The following DGKI variants were observed in gnomAD, a reference collection of about 807,000 sequenced individuals.
DGKI encodes DAG kinase iota.
Under a neutral mutation model 147.5 loss-of-function variants are expected in DGKI, and 55 were observed. The observed-to-expected ratio is 0.37, with a 90% CI of 0.30 to 0.47. The LOEUF (loss-of-function observed/expected upper bound fraction) is 0.47, where lower values mean the gene tolerates loss of function less well. Among genes scored for constraint, DGKI ranks in the 20% least tolerant of loss-of-function variants. The pLI, the probability that DGKI is intolerant of heterozygous loss-of-function variation, is 1.00. For synonymous variants in DGKI, 469 were observed against 477.1 expected (o/e 0.98, Z 0.22); for missense variants, 1,007 against 1,323.8 (o/e 0.76, Z 3.71).
chr7:137,712,463 G>T (rs1172237655), intron 1 of DGKI, among the ~76,000 whole-genome samples: 3 of 152,136 alleles, frequency 2.0e-5, no homozygotes, highest in African/African-American at 7.2e-5. Context: ...ATGATCTCAA[G>T]AATGTGCAAT....
At chr7:137,701,919 A>G (rs940973302) in intron 1 of DGKI, among the ~76,000 whole-genome samples, 1 of 152,222 alleles carries the variant, frequency 6.6e-6, no homozygotes, top group Non-Finnish European at 1.5e-5. Context: ...TAGACGTATT[A>G]TAAAGCTATA....
chr7:137,569,962 A>G (rs1238502022), intron 19 of DGKI, among the ~76,000 whole-genome samples: 1 of 152,008 alleles, frequency 6.6e-6, no homozygotes, highest in African/African-American at 2.4e-5. Context: ...TGAGTTAACA[A>G]GGGCCATCAC....
chr7:137,438,585 C>T (rs1023620366), intron 28 of DGKI, among the ~76,000 whole-genome samples: 9 of 151,914 alleles, frequency 5.9e-5, no homozygotes, highest in Non-Finnish European at 1.0e-4. Flanking sequence ...CAGGTTTAAG[C>T]GCATGGATAC....
At chr7:137,471,403 T>C (rs936433377) in intron 23 of DGKI, among the ~76,000 whole-genome samples, 1 of 152,050 alleles carries the variant, frequency 6.6e-6, no homozygotes, top group Non-Finnish European at 1.5e-5. Context: ...GAAGAAGTAA[T>C]AAGGACCCAA....
chr7:137,433,844 G>A (rs575944012), intron 28 of DGKI, among the ~76,000 whole-genome samples: 2 of 152,306 alleles, frequency 1.3e-5, no homozygotes, highest in African/African-American at 4.8e-5. Context: ...GGGGCCGGGC[G>A]TGGTGGCTCA....
chr7:137,665,481 G>A (rs1387484517), intron 3 of DGKI, among the ~76,000 whole-genome samples: 2 of 152,168 alleles, frequency 1.3e-5, no homozygotes, highest in African/African-American at 2.4e-5. Context: ...CTCTATTATG[G>A]TTGGAATTGC....
rs772373396 is a variant in DGKI, at chr7:137,597,944, C to T, written c.1251-37G>A. 1.3e-5 allele frequency: 20 copies of T among 1,585,904 alleles called. No individual in the cohort carries two copies. In the African/African-American group the frequency reaches 2.0e-4, roughly 16 times the overall value. On this transcript the variant is annotated intron_variant, in intron 11 of 32. Transcript: ENST00000614521. ...ATAGAAGAAAAAGTAAACAAAAGAA[C>T]ATTTCACTGGCTAGAGCAGAGAGAA...
At chr7:137,778,093 C>T (rs1330810890) in intron 1 of DGKI, among the ~76,000 whole-genome samples, 1 of 152,138 alleles carries the variant, frequency 6.6e-6, no homozygotes. Context: ...TTTTGTGATA[C>T]TAAAACATAA....
chr7:137,654,950 A>T (rs2129011863), intron 4 of DGKI, among the ~76,000 whole-genome samples, 162 bp from the exon 5 acceptor site: 1 of 152,166 alleles, frequency 6.6e-6, no homozygotes, highest in South Asian at 2.1e-4. Flanking sequence ...TCATCACATT[A>T]GATAATCAAC....
chr7:137,410,892 T>C (rs958697316), intron 29 of DGKI, among the ~76,000 whole-genome samples: 1 of 152,218 alleles, frequency 6.6e-6, no homozygotes, highest in Non-Finnish European at 1.5e-5. Context: ...GAGAGCACTC[T>C]TCTCTTCTGG....
chr7:137,704,618 A>G (rs1414115923), intron 1 of DGKI, among the ~76,000 whole-genome samples: 2 of 152,214 alleles, frequency 1.3e-5, no homozygotes, highest in Non-Finnish European at 2.9e-5. Context: ...AATGACAGAA[A>G]ATTCCCAATC....
intron 28 of DGKI, among the ~76,000 whole-genome samples, chr7:137,432,363 A>G (rs1813112430): frequency 6.6e-6 from 1 of 152,166 alleles, no homozygotes; most frequent in African/African-American, 2.4e-5. Context: ...AATCATCCCA[A>G]AAGCCCATGC....
At chr7:137,800,192 T>C (rs1797154925) in intron 1 of DGKI, among the ~76,000 whole-genome samples, 1 of 152,124 alleles carries the variant, frequency 6.6e-6, no homozygotes, top group Non-Finnish European at 1.5e-5. Flanking sequence ...ACCTACTACA[T>C]CCTTAGAACA....
intron 1 of DGKI, among the ~76,000 whole-genome samples, chr7:137,691,809 T>TTTTTTTGTTTTTTTTTG (rs1823620346): frequency 7.1e-6 from 1 of 141,012 alleles, no homozygotes; most frequent in African/African-American, 2.8e-5. Context: ...TTTTTTTTTT[T>TTTTTTTGTTTTTTTTTG]TTTTTTTTTT....
intron 1 of DGKI, among the ~76,000 whole-genome samples, chr7:137,810,126 G>T (rs1467966373): frequency 6.6e-6 from 1 of 152,200 alleles, no homozygotes; most frequent in East Asian, 1.9e-4. Flanking sequence ...ATAGGCCAAA[G>T]CTACCTCTCA....
chr7:137,517,252 A>AAGAAAGAAAGAAAGAAAG (rs1554421179), intron 21 of DGKI, among the ~76,000 whole-genome samples: 19 of 129,082 alleles, frequency 1.5e-4, no homozygotes, highest in African/African-American at 6.5e-4. Flanking sequence ...AAAGAAAAGA[A>AAGAAAGAAAGAAAGAAAG]AAAGAAAGAA....
chr7:137,386,144 A>G lies in DGKI; in HGVS notation c.*5076T>C, dbSNP rs1268472626. The G allele has an allele frequency of 6.6e-6, 1 of 152,112 alleles. No individual in the cohort carries two copies. Among genetic ancestry groups the G allele is most frequent in the Admixed American group, 6.6e-5 (1 of 15,260 alleles). The allele number at this position is 152,112 out of a possible 1,614,324, so 9.4% of individuals were successfully genotyped here. A position where few individuals can be genotyped will look rare whatever the true frequency, so the allele number is the denominator to read the frequency against. On this transcript the variant is annotated 3_prime_UTR_variant, in exon 33 of 33. Transcript: ENST00000614521. ...TTTCTATTTTAAAATCCATGCTACA[A>G]GAGCCTAAGAATTATTTTTCTGCTT...
At chr7:137,546,747 G>A (rs1817880633) in intron 20 of DGKI, among the ~76,000 whole-genome samples, 2 of 152,204 alleles carry the variant, frequency 1.3e-5, no homozygotes, top group Non-Finnish European at 2.9e-5. Flanking sequence ...TATTTAAAGA[G>A]TTTCATTATA....
intron 12 of DGKI, among the ~76,000 whole-genome samples, chr7:137,588,145 G>A (rs939912372): frequency 1.3e-5 from 2 of 152,148 alleles, no homozygotes; most frequent in African/African-American, 4.8e-5. Context: ...TTCTCTCATA[G>A]GACGTTGATC....
Sources: gnomAD v4.1 joint callset for allele counts (sites outside exome capture counted in the v4.1 genomes callset) on GRCh38, gnomAD v4.1.1 for gene constraint, MANE v1.5 for transcripts, NCBI Gene and HGNC (gene_info 2026-07-23, HGNC 2026-07-21) for gene names.